Variants in PXDNL observed in about 807,000 individuals in gnomAD.
The protein encoded by PXDNL is probable oxidoreductase PXDNL.
PXDNL carries 145 observed loss-of-function variants against 150.8 expected under a neutral mutation model. The observed-to-expected ratio is 0.96, with a 90% CI of 0.84 to 1.10. The LOEUF (loss-of-function observed/expected upper bound fraction) is 1.10, where lower values mean the gene tolerates loss of function less well. Among genes scored for constraint, PXDNL ranks in the 50% least tolerant of loss-of-function variants. The probability of loss-of-function intolerance (pLI) is 0.00; values close to 1 mark genes in which losing one functional copy is unlikely to be tolerated. For synonymous variants in PXDNL, 757 were observed against 725.7 expected (o/e 1.04, Z -0.69); for missense variants, 2,087 against 1,873.9 (o/e 1.11, Z -2.10).
intron 1 of PXDNL, among the ~76,000 whole-genome samples, chr8:51,670,797 G>A (rs75458958): frequency 0.033 from 5,088 of 152,252 alleles, 300 homozygotes; most frequent in African/African-American, 0.12. Context: ...GTGTCCCCCA[G>A]TGAGGAAAAC....
rs535872105 is a variant in PXDNL at position 51,415,910 on chromosome 8, C to A, written c.1796-2652G>T. On this transcript the variant is annotated intron_variant, in intron 14 of 22. Coordinates refer to ENST00000356297, the MANE Select transcript of PXDNL (RefSeq NM_144651.5). Reference sequence around the variant, plus strand: ...TATAATTACTGTGATTATAAGAAAACAATACTATAAACATAGCTACATTAG... The same window carrying A: ...TATAATTACTGTGATTATAAGAAAAAAATACTATAAACATAGCTACATTAG... 5.9e-5 allele frequency among the ~76,000 whole-genome samples: 9 copies of A among 151,996 alleles called. 1 individual carries two copies. The highest frequency in any genetic ancestry group is 2.2e-4 in the African/African-American group (9 of 41,446).
chr8:51,457,623 T>G lies in PXDNL; in HGVS notation c.857A>C (p.Asp286Ala), dbSNP rs772328993. The change falls in exon 9 of 23, where the codon GAT becomes GCT. Residue 286 changes from aspartate to alanine, a missense_variant. Physicochemically the swap from Asp to Ala is moderately radical, Grantham distance 126. Coordinates refer to ENST00000356297, the MANE Select transcript of PXDNL (RefSeq NM_144651.5). The stretch of plus-strand genomic sequence containing the variant: ...GTTTCGGATCATGAGTGTGCCATCA[T>G]CAAACACATTAAGTCGAGTATCATC... The part of the protein sequence containing the change: ...LEDDTRLNVF[D>A]DGTLMIRNTR... 1 of 1,613,824 alleles carries G rather than the reference T, an allele frequency of 6.2e-7. No homozygotes were observed. The highest frequency in any genetic ancestry group is 1.1e-5 in the South Asian group (1 of 91,062).
intron 1 of PXDNL, among the ~76,000 whole-genome samples, chr8:51,683,831 A>C (rs977108286): frequency 2.6e-5 from 4 of 152,150 alleles, no homozygotes; most frequent in South Asian, 2.1e-4. Flanking sequence ...GCTCCAGTGT[A>C]GCAAGGAGGA....
intron 3 of PXDNL, among the ~76,000 whole-genome samples, chr8:51,585,185 T>A (rs1216209626): frequency 2.0e-5 from 3 of 152,158 alleles, no homozygotes; most frequent in Non-Finnish European, 4.4e-5. Flanking sequence ...ATGAGTTAAA[T>A]TTAAGTCACG....
chr8:51,484,090 C>G (rs1810667904), intron 5 of PXDNL, among the ~76,000 whole-genome samples: 2 of 152,066 alleles, frequency 1.3e-5, no homozygotes, highest in African/African-American at 2.4e-5. Context: ...TGTTGTACAC[C>G]TTGAATGCAT....
At chr8:51,611,886 G>A (rs1814011341) in intron 2 of PXDNL, among the ~76,000 whole-genome samples, 1 of 152,238 alleles carries the variant, frequency 6.6e-6, no homozygotes, top group South Asian at 2.1e-4. Context: ...GCCAGGAGCA[G>A]CCGGGATGCC....
At chr8:51,628,906 GA>G (rs59345635) in intron 2 of PXDNL, among the ~76,000 whole-genome samples, 11,067 of 151,902 alleles carry the variant, frequency 0.073, 1,338 homozygotes, top group African/African-American at 0.25. Context: ...TTGAAGAGGG[GA>G]AAAAAACTGA....
chr8:51,785,175 T>C (rs891613502), intron 1 of PXDNL, among the ~76,000 whole-genome samples: 3 of 152,100 alleles, frequency 2.0e-5, no homozygotes, highest in African/African-American at 7.2e-5. Context: ...AAACTTGTCC[T>C]CACTCTAACT....
At chr8:51,524,403 G>A (rs1248950348) in intron 4 of PXDNL, among the ~76,000 whole-genome samples, 5 of 152,094 alleles carry the variant, frequency 3.3e-5, no homozygotes, top group Non-Finnish European at 7.4e-5. Flanking sequence ...ATTGGCAATT[G>A]GCTTGGTAGC....
chr8:51,749,877 T>G (rs909210170), intron 1 of PXDNL, among the ~76,000 whole-genome samples: 8 of 152,076 alleles, frequency 5.3e-5, no homozygotes, highest in African/African-American at 1.9e-4. Flanking sequence ...ATTTTTGTAT[T>G]TTTAGTAGAG....
At chr8:51,485,097 G>A (rs964574431) in intron 5 of PXDNL, among the ~76,000 whole-genome samples, 1 of 152,022 alleles carries the variant, frequency 6.6e-6, no homozygotes, top group South Asian at 2.1e-4. Flanking sequence ...AAATCATGTG[G>A]CCATATTTTC....
intron 3 of PXDNL, among the ~76,000 whole-genome samples, chr8:51,574,077 A>G (rs916061340): frequency 3.3e-5 from 5 of 152,016 alleles, no homozygotes; most frequent in Non-Finnish European, 7.4e-5. Context: ...AGTAATACAG[A>G]TGACAACAGC....
intron 19 of PXDNL, among the ~76,000 whole-genome samples, chr8:51,346,828 C>T (rs1806176885): frequency 6.6e-6 from 1 of 152,158 alleles, no homozygotes; most frequent in Non-Finnish European, 1.5e-5. Flanking sequence ...TTGCACCAGG[C>T]TTCCAGTATG....
chr8:51,780,336 C>T (rs1210000639), intron 1 of PXDNL, among the ~76,000 whole-genome samples: 1 of 152,080 alleles, frequency 6.6e-6, no homozygotes, highest in African/African-American at 2.4e-5. Flanking sequence ...GCTGAAAATG[C>T]CACCAAAATG....
At chr8:51,397,060 C>G (rs1265415307) in intron 17 of PXDNL, among the ~76,000 whole-genome samples, 4 of 152,170 alleles carry the variant, frequency 2.6e-5, no homozygotes, top group Non-Finnish European at 5.9e-5. Flanking sequence ...TACATTAGGT[C>G]TGATACAAAA....
Position 51,544,671 on chromosome 8 carries a change from A to ACC in PXDNL, c.380+12167_380+12168dup, listed in dbSNP as rs952315773. Among the ~76,000 whole-genome samples the ACC allele has an allele frequency of 3.2e-4, 48 of 151,882 alleles. 1 individual carries two copies. Among genetic ancestry groups the ACC allele is most frequent in the African/African-American group, 1.2e-3 (48 of 41,368 alleles). ...AATCCTTCTTCAATATCCCTTCCTC[A>ACC]CCCCCCACAACCTACTTTTTAGGGT... On this transcript the variant is annotated intron_variant, in intron 4 of 22. Coordinates refer to ENST00000356297, the MANE Select transcript of PXDNL (RefSeq NM_144651.5).
intron 12 of PXDNL, among the ~76,000 whole-genome samples, chr8:51,437,403 C>G (rs1345237463): frequency 6.6e-6 from 1 of 152,032 alleles, no homozygotes; most frequent in East Asian, 1.9e-4. Flanking sequence ...AACTACAGAC[C>G]AATATCCCTG....
intron 1 of PXDNL, among the ~76,000 whole-genome samples, chr8:51,805,268 G>T (rs2037663006): frequency 6.6e-6 from 1 of 150,876 alleles, no homozygotes; most frequent in South Asian, 2.1e-4. Context: ...AAAAAATTTT[G>T]TAACAAAGGT....
intron 1 of PXDNL, among the ~76,000 whole-genome samples, chr8:51,762,806 A>G (rs556423925): frequency 3.3e-5 from 5 of 152,218 alleles, no homozygotes; most frequent in Admixed American, 1.3e-4. Context: ...TTGGCTCAGA[A>G]TAAATCACTT....
Sources: allele counts gnomAD v4.1 joint callset (sites outside exome capture counted in the v4.1 genomes callset), GRCh38; gene constraint gnomAD v4.1.1; transcripts MANE v1.5; gene names NCBI Gene and HGNC (gene_info 2026-07-23, HGNC 2026-07-21).